ELMO1: variants seen among roughly 807,000 people sequenced by gnomAD.
ELMO1 encodes the protein engulfment and cell motility protein 1.
A neutral mutation model predicts 98.9 loss-of-function variants in ELMO1; 26 were observed. The observed-to-expected ratio is 0.26, with a 90% CI of 0.19 to 0.36. The LOEUF is 0.36. ELMO1 is among the 10% of genes least tolerant of loss of function. The pLI is 1.00. For synonymous variants in ELMO1, 346 were observed against 346.0 expected, an observed-to-expected ratio of 1.00 and a Z score of 0.00; for missense variants, 627 against 935.2, an observed-to-expected ratio of 0.67 and a Z score of 4.30.
At chr7:37,208,930 G>C (rs1416171202) in intron 13 of ELMO1, among the ~76,000 whole-genome samples, 1 of 151,972 alleles carries the variant, frequency 6.6e-6, no homozygotes, top group Non-Finnish European at 1.5e-5. Context: ...TCTGTTCAGA[G>C]TCTTTGCTTT....
chr7:36,887,107 C>T (rs778089039), intron 18 of ELMO1, among the ~76,000 whole-genome samples: 1 of 152,160 alleles, frequency 6.6e-6, no homozygotes, highest in Non-Finnish European at 1.5e-5. Context: ...TTTCTTAGCC[C>T]TTTAGTGCCT....
chr7:37,200,699 C>T (rs369072683), intron 13 of ELMO1, among the ~76,000 whole-genome samples: 41 of 152,278 alleles, frequency 2.7e-4, no homozygotes, highest in African/African-American at 9.4e-4. Context: ...GGCGCCATGG[C>T]TCACACCTGT....
intron 16 of ELMO1, among the ~76,000 whole-genome samples, chr7:36,954,614 C>T (rs1480297813): frequency 6.6e-6 from 1 of 152,122 alleles, no homozygotes; most frequent in East Asian, 1.9e-4. Flanking sequence ...GCTGGGGTGC[C>T]TGTCAAAGAG....
intron 13 of ELMO1, among the ~76,000 whole-genome samples, chr7:37,198,654 T>A (rs539043556): frequency 6.8e-4 from 104 of 152,368 alleles, no homozygotes; most frequent in African/African-American, 2.4e-3. Flanking sequence ...GCTTATACAT[T>A]ACGAGACCCT....
intron 17 of ELMO1, among the ~76,000 whole-genome samples, chr7:36,893,946 G>A (rs1030690478): frequency 6.6e-6 from 1 of 152,118 alleles, no homozygotes; most frequent in African/African-American, 2.4e-5. Context: ...GAGAGCAGGT[G>A]TGTGTGGTGG....
At chr7:36,905,282 T>C (rs1783879519) in intron 16 of ELMO1, among the ~76,000 whole-genome samples, 1 of 152,206 alleles carries the variant, frequency 6.6e-6, no homozygotes, top group Non-Finnish European at 1.5e-5. Flanking sequence ...AATCCTTCTG[T>C]AGTTACAAGG....
At chr7:37,256,753 AAGGGAAGG>A (rs1795685726) in intron 6 of ELMO1, among the ~76,000 whole-genome samples, 2 of 91,602 alleles carry the variant, frequency 2.2e-5, no homozygotes, top group Non-Finnish European at 4.2e-5. Context: ...AAGGGAAGGG[AAGGGAAGG>A]GAGAAGGGAG....
chr7:37,433,007 G>A (rs1804994197), intron 1 of ELMO1, among the ~76,000 whole-genome samples: 1 of 152,190 alleles, frequency 6.6e-6, no homozygotes. Flanking sequence ...TGGCACAGTG[G>A]AATGACACTA....
At chr7:36,934,484 C>G (rs1208460480) in intron 16 of ELMO1, among the ~76,000 whole-genome samples, 1 of 104,710 alleles carries the variant, frequency 9.6e-6, no homozygotes, top group East Asian at 2.9e-4. Context: ...AAATGGGAAC[C>G]CTCAGGCATG....
chr7:37,406,553 C>T (rs1056088934), intron 1 of ELMO1, among the ~76,000 whole-genome samples: 3 of 152,006 alleles, frequency 2.0e-5, no homozygotes, highest in African/African-American at 4.8e-5. Flanking sequence ...TCTCAGCCTC[C>T]CAAGCAGCTG....
intron 1 of ELMO1, among the ~76,000 whole-genome samples, chr7:37,441,264 C>T (rs1020783581): frequency 5.3e-5 from 8 of 151,836 alleles, no homozygotes; most frequent in East Asian, 1.9e-4. Context: ...CATATTTCTA[C>T]GGCACTTAAG....
Position 37,224,926 on chromosome 7 carries a change from T to C in ELMO1, c.654A>G (p.Lys218=), listed in dbSNP as rs763486358. 4 of 1,614,002 alleles carry C rather than the reference T, an allele frequency of 2.5e-6. No homozygotes were observed. Among genetic ancestry groups the C allele is most frequent in the South Asian group, 2.2e-5 (2 of 91,084 alleles). Reference sequence around the variant, plus strand: ...GGCCGATGGTGATCTCCTGCGCCACTTTCTGGTAGAGGTCATGGCTATTGA... The same window carrying C: ...GGCCGATGGTGATCTCCTGCGCCACCTTCTGGTAGAGGTCATGGCTATTGA... The part of the protein sequence containing the change: ...MVLNSHDLYQ[K]VAQEITIGQL... The change falls in exon 9 of 22, where the codon AAA becomes AAG. Residue 218 remains lysine, a synonymous_variant. Coordinates refer to ENST00000310758, the MANE Select transcript of ELMO1 (RefSeq NM_014800.11).
At chr7:37,055,895 G>GT (rs1401227855) in intron 15 of ELMO1, among the ~76,000 whole-genome samples, 3 of 152,172 alleles carry the variant, frequency 2.0e-5, no homozygotes, top group African/African-American at 7.2e-5. Flanking sequence ...AGTCTCGGCT[G>GT]TAAGGGCAGC....
At chr7:37,096,807 T>G (rs1039186550) in intron 14 of ELMO1, 80 bp from the exon 15 acceptor site, 172 of 1,263,614 alleles carry the variant, frequency 1.4e-4, no homozygotes, top group Admixed American at 1.7e-5. Flanking sequence ...TTCCAATAGA[T>G]GAATACATAG....
At chr7:37,062,729 A>T (rs913120879) in intron 15 of ELMO1, among the ~76,000 whole-genome samples, 7 of 152,164 alleles carry the variant, frequency 4.6e-5, no homozygotes, top group Admixed American at 4.6e-4. Flanking sequence ...GGACCTGGTA[A>T]ATTAAGTTAT....
At chr7:36,916,668 A>C (rs946803594) in intron 16 of ELMO1, among the ~76,000 whole-genome samples, 11 of 152,222 alleles carry the variant, frequency 7.2e-5, no homozygotes, top group African/African-American at 2.4e-4. Flanking sequence ...TGTGGGCTAA[A>C]TTGAGGAGGG....
chr7:37,128,392 A>G (rs1271473154), intron 14 of ELMO1, among the ~76,000 whole-genome samples: 1 of 152,154 alleles, frequency 6.6e-6, no homozygotes, highest in African/African-American at 2.4e-5. Context: ...AAAGCTGGGG[A>G]GTGAAACATT....
chr7:37,283,581 C>G (rs1562580914), intron 4 of ELMO1, among the ~76,000 whole-genome samples: 1 of 152,344 alleles, frequency 6.6e-6, no homozygotes. Context: ...TGTAGGCAGT[C>G]CCCTTAAGCA....
At chr7:36,915,563 A>G (rs1784630360) in intron 16 of ELMO1, among the ~76,000 whole-genome samples, 1 of 152,226 alleles carries the variant, frequency 6.6e-6, no homozygotes, top group Admixed American at 6.5e-5. Flanking sequence ...GGCTTGAAGT[A>G]CAGAAAGAAT....
Sources: allele counts gnomAD v4.1 joint callset (sites outside exome capture counted in the v4.1 genomes callset), GRCh38; gene constraint gnomAD v4.1.1; transcripts MANE v1.5; gene names NCBI Gene and HGNC (gene_info 2026-07-23, HGNC 2026-07-21).